SEC16A: variants seen among roughly 807,000 people sequenced by gnomAD.
SEC16A encodes protein transport protein Sec16A.
In SEC16A, 110 loss-of-function variants were observed where a neutral mutation model predicts 221.9. The ratio of observed to expected loss-of-function variants is 0.50; its 90% CI spans 0.42 to 0.58. The LOEUF is 0.58. Ranked by LOEUF, SEC16A falls within the 20% of genes least tolerant of loss-of-function variation. The pLI is 0.00. For synonymous variants in SEC16A, 1,393 were observed against 1,257.7 expected (o/e 1.11, Z -2.28); for missense variants, 3,165 against 3,097.8 (o/e 1.02, Z -0.52).
In SEC16A at chr9:136,456,090, C is replaced by T. The variant is rs1212134066; in HGVS notation, c.5627G>A (p.Trp1876Ter). 1 of 1,612,954 alleles carries T rather than the reference C, an allele frequency of 6.2e-7. No homozygotes were observed. Among genetic ancestry groups the T allele is most frequent in the Non-Finnish European group, 8.5e-7 (1 of 1,179,758 alleles). Reference protein sequence around the residue: ...PEEESLAAPTWLVHLQQVERQ... With the variant: ...PEEESLAAPT ...CTCCACCTGCTGCAGGTGAACCAGC[C>T]ACGTGGGTGCGGCCAAGGACTCCTC... is the stretch of plus-strand genomic sequence containing the variant. The change falls in exon 19 of 32, where the codon TGG (tryptophan) becomes TAG (stop). Residue 1876 changes from tryptophan (W) to a stop codon, truncating the protein, a stop_gained. Coordinates refer to ENST00000684901, the MANE Select transcript of SEC16A (RefSeq NM_014866.2). LOFTEE classifies it high-confidence loss of function.
Position 136,477,550 on chromosome 9 carries a change from C to T in SEC16A, c.66G>A (p.Arg22=), listed in dbSNP as rs1302491206. The T allele has an allele frequency of 6.2e-7, 1 of 1,613,218 alleles. No homozygotes were observed. The highest frequency in any genetic ancestry group is 1.3e-5 in the African/African-American group (1 of 75,022). The change falls in exon 3 of 32, where the codon CGG becomes CGA. Residue 22 remains arginine, a synonymous_variant. Transcript: ENST00000684901. ...AAGGGCTGCTAGCCCAGAACACGCT[C>T]CGAGGATTCCCGGCTGGAGGTGGCC... ...MAGPPPAGNP[R]SVFWASSPYR...
At chr9:136,473,231 A>G in intron 3 of SEC16A, among the ~76,000 whole-genome samples, 1 of 152,240 alleles carries the variant, frequency 6.6e-6, no homozygotes. Flanking sequence ...TCTGGTTCCA[A>G]CTGGCCTTAC....
Position 136,462,961 on chromosome 9 carries a change from G to A in SEC16A, c.4819C>T (p.Pro1607Ser). The change falls in exon 12 of 32, where the codon CCG becomes TCG. Residue 1607 changes from proline to serine, a missense_variant. Transcript: ENST00000684901. The part of the protein sequence containing the change: ...EAQLSFLTGG[P>S]AAAASSLERE... The stretch of plus-strand genomic sequence containing the variant: ...TCGAGCGAGCTGGCGGCAGCCGCCG[G>A]ACCACCAGTGAGGAAAGAGAGCTGG... 1 of 1,607,846 alleles carries A rather than the reference G, an allele frequency of 6.2e-7. No individual in the cohort carries two copies. Among genetic ancestry groups the A allele is most frequent in the South Asian group, 1.1e-5 (1 of 91,084 alleles).
Position 136,441,803 on chromosome 9 carries a change from G to A in SEC16A, c.7026C>T (p.Ser2342=), listed in dbSNP as rs976393882. The change falls in exon 32 of 32, where the codon AGC becomes AGT. Residue 2342 remains serine, a synonymous_variant. Coordinates refer to ENST00000684901, the MANE Select transcript of SEC16A (RefSeq NM_014866.2). ...TCTGGCCAATCCTCCCTAGCCTTGA[G>A]CTCCCGGAGGTGGCGCAGGCCTGGA... ...QLAQACATSG[S]SRLGRIGQRK... is the part of the protein sequence containing the mutation. The A allele has an allele frequency of 3.1e-6, 5 of 1,613,144 alleles. No homozygotes were observed. The Admixed American group carries it at 5.0e-5, about 16-fold the overall frequency.
chr9:136,459,534 G>C lies in SEC16A; in HGVS notation c.5213C>G (p.Ala1738Gly). The C allele has an allele frequency of 6.2e-7, 1 of 1,601,352 alleles. No individual in the cohort carries two copies. The highest frequency in any genetic ancestry group is 1.1e-5 in the South Asian group (1 of 88,948). Reference protein sequence around the residue: ...DTLASRGLLDAAHFCYLMAQA... With the variant: ...DTLASRGLLDGAHFCYLMAQA... ...GGCCATGAGGTAGCAGAAGTGGGCCGCATCCAAGAGGCCCCTTGAAGCTGC... is the reference window on the plus strand; with the variant it reads ...GGCCATGAGGTAGCAGAAGTGGGCCCCATCCAAGAGGCCCCTTGAAGCTGC... The change falls in exon 16 of 32, where the codon GCG becomes GGG. Residue 1738 changes from alanine to glycine, a missense_variant. Coordinates refer to ENST00000684901, the MANE Select transcript of SEC16A (RefSeq NM_014866.2). This position sits in a 1 kb window ranked among gnomAD's most constrained non-coding sequence, Gnocchi z 6.1.
rs924895336 is a variant in SEC16A at position 136,445,077 on chromosome 9, C to T, written c.6902G>A (p.Arg2301His). ...CTGATTAAAATGCTGGCTCACTTCA[C>T]GTGATAATGAACTCATTGAACTACA... ...SRCSSMSSLSREVSQHFNQAP... is the reference protein window; with the variant it reads ...SRCSSMSSLSHEVSQHFNQAP... Residue 2301 changes from arginine to histidine, a missense_variant, in exon 30 of 32, where the codon CGT (arginine) becomes CAT (histidine). Coordinates refer to ENST00000684901, the MANE Select transcript of SEC16A (RefSeq NM_014866.2). 5.6e-6 allele frequency: 9 copies of T among 1,607,478 alleles called. No individual in the cohort carries two copies. In the African/African-American group the frequency reaches 8.0e-5, roughly 14 times the overall value.
At chr9:136,454,752 T>C (rs1476569204) in intron 20 of SEC16A, among the ~76,000 whole-genome samples, 3 of 152,260 alleles carry the variant, frequency 2.0e-5, no homozygotes, top group Admixed American at 6.5e-5. Flanking sequence ...TGCTGGGCCC[T>C]GGATGCTTCA....
At chr9:136,448,882 C>T (rs1837408043) in intron 23 of SEC16A, 3 of 700,892 alleles carry the variant, frequency 4.3e-6, no homozygotes, top group Middle Eastern at 2.5e-4. Context: ...GGAGTTGTTT[C>T]GTTTCAAGGA....
chr9:136,468,692 C>A (rs1000474925), intron 4 of SEC16A, among the ~76,000 whole-genome samples, 180 bp from the exon 5 acceptor site: 1 of 152,218 alleles, frequency 6.6e-6, no homozygotes, highest in Non-Finnish European at 1.5e-5. Context: ...TCCCACCATA[C>A]GGCTAATTCA....
At chr9:136,457,030 A>C (rs1481157422) in intron 18 of SEC16A, among the ~76,000 whole-genome samples, 3 of 152,006 alleles carry the variant, frequency 2.0e-5, no homozygotes, top group African/African-American at 7.2e-5. Flanking sequence ...AAAATTGGCC[A>C]AGCGTGGTGG....
At position 136,474,990 on chromosome 9, in the gene SEC16A, C is replaced by T. The variant is rs373187238; in HGVS notation, c.2626G>A (p.Gly876Ser). The T allele has an allele frequency of 3.3e-5, 53 of 1,613,720 alleles. No individual in the cohort carries two copies. The East Asian group carries it at 3.8e-4, about 12-fold the overall frequency. ...GAAGTGTTCTCCCCAGAATCACCAC[C>T]GAGAGCCCAACTGCTGACTGCAGGT... is the stretch of plus-strand genomic sequence containing the variant. ...DRPAVSSWAL[G>S]GDSGENTSLS... is the part of the protein sequence containing the mutation. Residue 876 changes from glycine to serine, a missense_variant, in exon 3 of 32, where the codon GGT (glycine) becomes AGT (serine). Physicochemically the swap from Gly to Ser is moderately conservative, Grantham distance 56 (BLOSUM62 0). Coordinates refer to ENST00000684901, the MANE Select transcript of SEC16A (RefSeq NM_014866.2).
chr9:136,472,103 G>C lies in SEC16A; in HGVS notation c.3576C>G (p.Tyr1192Ter). 6.2e-7 allele frequency: 1 copy of C among 1,613,704 alleles called. No homozygotes were observed. Among genetic ancestry groups the C allele is most frequent in the Non-Finnish European group, 8.5e-7 (1 of 1,179,866 alleles). The change falls in exon 4 of 32, where the codon TAC (tyrosine) becomes TAG (stop). Residue 1192 changes from tyrosine to a stop codon, truncating the protein, a stop_gained. Transcript: ENST00000684901. LOFTEE classifies it high-confidence loss of function. ...GAASLYYQDVYSLYEPRYRPY... is the reference protein window; with the variant it reads ...GAASLYYQDV ...GCCTGTATCGAGGCTCATAGAGGCT[G>C]TAGACATCCTGTGGGAGGAAGCATT...
chr9:136,445,802 T>A (rs2131802511), intron 28 of SEC16A, 83 bp from the exon 29 acceptor site: 1 of 1,242,408 alleles, frequency 8.0e-7, no homozygotes. Context: ...ATGAAACTGT[T>A]CTGGCCTGGG....
At chr9:136,482,660 G>T (rs920978738) in intron 1 of SEC16A, among the ~76,000 whole-genome samples, 5 of 152,212 alleles carry the variant, frequency 3.3e-5, no homozygotes, top group African/African-American at 1.2e-4. Context: ...CCAGCCTCCC[G>T]CCCCGGGAAC....
rs530035318 is a variant in SEC16A, at chr9:136,466,237, G to A, written c.4128+27C>T. ...ATGGTGGTTCTAAACACAACCGTCCGCGTGTCTGTGAGGCGCCGCCGCGTA... is the reference window on the plus strand; with the variant it reads ...ATGGTGGTTCTAAACACAACCGTCCACGTGTCTGTGAGGCGCCGCCGCGTA... On this transcript the variant is annotated intron_variant, in intron 7 of 31. Transcript: ENST00000684901. The surrounding 1 kb of genome is among the most constrained non-coding windows in gnomAD (Gnocchi z 5.5). The A allele has an allele frequency of 1.4e-5, 23 of 1,588,242 alleles. No homozygotes were observed. Among genetic ancestry groups the A allele is most frequent in the African/African-American group, 1.1e-4 (8 of 74,590 alleles).
Position 136,455,768 on chromosome 9 carries a change from T to G in SEC16A, c.5690A>C (p.Asp1897Ala). 6.2e-7 allele frequency: 1 copy of G among 1,600,978 alleles called. No homozygotes were observed. Among genetic ancestry groups the G allele is most frequent in the Admixed American group, 1.7e-5 (1 of 58,522 alleles). Residue 1897 changes from aspartate (D) to alanine (A), a missense_variant, in exon 20 of 32, where the codon GAT (aspartate) becomes GCT (alanine). By Grantham distance (126) the Asp-to-Ala change is moderately radical. Transcript: ENST00000684901. Reference protein sequence around the residue: ...IKEGAGVWHQDGALPQQCPGT... With the variant: ...IKEGAGVWHQAGALPQQCPGT... ...AGGACACTGCTGCGGGAGGGCTCCA[T>G]CCTGATGCCATACTCCAGCCCCCTC...
At chr9:136,482,050 G>C (rs996154894) in intron 1 of SEC16A, among the ~76,000 whole-genome samples, 2 of 152,194 alleles carry the variant, frequency 1.3e-5, no homozygotes, top group African/African-American at 4.8e-5. Flanking sequence ...ACAATTTTGA[G>C]ACTCACTGTA....
chr9:136,474,762 G>C lies in SEC16A; in HGVS notation c.2854C>G (p.Pro952Ala), dbSNP rs780979016. The C allele has an allele frequency of 6.2e-7, 1 of 1,613,992 alleles. No homozygotes were observed. Among genetic ancestry groups the C allele is most frequent in the Non-Finnish European group, 8.5e-7 (1 of 1,179,904 alleles). The change falls in exon 3 of 32, where the codon CCC (proline) becomes GCC (alanine). Residue 952 changes from proline (P) to alanine (A), a missense_variant. Around this residue, in one of 3 missense-constraint regions of SEC16A, gnomAD observed 2,030 missense variants for 1,923.1 expected, o/e 1.06. Transcript: ENST00000684901. ...CCAGCAGGGCTATTAGCAAATCCGG[G>C]AAGAGCACTTCCTGCCTTACGATCC... ...QKDRKAGSAL[P>A]GFANSPAGST...
chr9:136,468,931 C>T (rs1299523646), intron 4 of SEC16A, among the ~76,000 whole-genome samples: 2 of 152,158 alleles, frequency 1.3e-5, no homozygotes, highest in African/African-American at 4.8e-5. Context: ...CTTAACACAA[C>T]CTCCACCTCC....
Sources: allele counts gnomAD v4.1 joint callset (sites outside exome capture counted in the v4.1 genomes callset), GRCh38; gene constraint gnomAD v4.1.1; regional missense constraint gnomAD v4.1.1; non-coding constraint Gnocchi (gnomAD v3.1); transcripts MANE v1.5; gene names NCBI Gene and HGNC (gene_info 2026-07-23, HGNC 2026-07-21).